The following ENOX1 variants were observed in gnomAD, a reference collection of about 807,000 sequenced individuals.
ENOX1 encodes ecto-NOX disulfide-thiol exchanger 1.
Under a neutral mutation model 82.5 loss-of-function variants are expected in ENOX1, and 42 were observed. The ratio of observed to expected loss-of-function variants is 0.51; its 90% CI spans 0.40 to 0.66. ENOX1 has a LOEUF of 0.66. ENOX1 is among the 30% of genes least tolerant of loss of function. The probability of loss-of-function intolerance (pLI) is 0.00; values close to 1 mark genes in which losing one functional copy is unlikely to be tolerated. For missense variants in ENOX1, 608 were observed against 811.6 expected (o/e 0.75, Z 3.05); for synonymous variants, 271 against 282.2 (o/e 0.96, Z 0.40).
chr13:43,609,637 CA>C (rs1264252779), intron 2 of ENOX1, among the ~76,000 whole-genome samples: 2 of 152,174 alleles, frequency 1.3e-5, no homozygotes. Context: ...TATTTTTCCA[CA>C]TATAATGTCA....
intron 5 of ENOX1, among the ~76,000 whole-genome samples, chr13:43,389,387 T>C (rs1594277882): frequency 6.6e-6 from 1 of 152,236 alleles, no homozygotes; most frequent in East Asian, 1.9e-4. Flanking sequence ...AAAGTTAAAA[T>C]TATTTTAAAT....
intron 2 of ENOX1, among the ~76,000 whole-genome samples, chr13:43,602,378 T>C (rs553911459): frequency 8.5e-5 from 13 of 152,216 alleles, no homozygotes; most frequent in African/African-American, 2.9e-4. Flanking sequence ...AGAAATAATA[T>C]ATGGTAAAAT....
intron 1 of ENOX1, among the ~76,000 whole-genome samples, chr13:43,670,033 C>T (rs900070575): frequency 2.9e-4 from 44 of 152,154 alleles, no homozygotes; most frequent in Non-Finnish European, 5.0e-4. Context: ...TCTGCATATC[C>T]CCCAAACCCT....
chr13:43,644,056 T>C (rs1198323063), intron 2 of ENOX1, among the ~76,000 whole-genome samples: 4 of 152,214 alleles, frequency 2.6e-5, no homozygotes, highest in Non-Finnish European at 4.4e-5. Context: ...CAAACTGCCA[T>C]TGCTCTTTTA....
intron 2 of ENOX1, among the ~76,000 whole-genome samples, chr13:43,655,259 G>A (rs2084377137): frequency 6.6e-6 from 1 of 152,212 alleles, no homozygotes; most frequent in East Asian, 1.9e-4. Context: ...ACTGTTCCAT[G>A]TCCACCATTC....
chr13:43,755,648 GACT>G (rs1457445044), intron 1 of ENOX1, among the ~76,000 whole-genome samples: 2 of 152,134 alleles, frequency 1.3e-5, no homozygotes, highest in Non-Finnish European at 1.5e-5. Context: ...AGTACTCAGA[GACT>G]ACCACTCCTA....
chr13:43,243,014 T>C (rs1164765653), intron 14 of ENOX1, among the ~76,000 whole-genome samples: 1 of 151,924 alleles, frequency 6.6e-6, no homozygotes, highest in Non-Finnish European at 1.5e-5. Context: ...TGCATGTCTG[T>C]AGTCCCAGCT....
chr13:43,306,017 C>A (rs1049310408), intron 11 of ENOX1, among the ~76,000 whole-genome samples: 4 of 152,190 alleles, frequency 2.6e-5, no homozygotes, highest in African/African-American at 9.6e-5. Context: ...AGATATGGAA[C>A]CTGGTAGAAA....
intron 1 of ENOX1, among the ~76,000 whole-genome samples, chr13:43,698,403 C>A (rs1397772598): frequency 6.6e-5 from 10 of 152,266 alleles, no homozygotes; most frequent in African/African-American, 2.4e-4. Flanking sequence ...CCTCCAAAGA[C>A]CCTAACTGTT....
At chr13:43,340,226 A>G (rs965426546) in intron 9 of ENOX1, among the ~76,000 whole-genome samples, 5 of 152,234 alleles carry the variant, frequency 3.3e-5, no homozygotes, top group Admixed American at 2.6e-4. Context: ...GAGAATGGAA[A>G]GTTCTGAGGT....
intron 2 of ENOX1, among the ~76,000 whole-genome samples, chr13:43,612,490 G>A (rs1484641953): frequency 2.6e-5 from 4 of 151,434 alleles, no homozygotes; most frequent in Non-Finnish European, 4.4e-5. Flanking sequence ...GTGCCTACTT[G>A]TCATCAGCTA....
At chr13:43,518,163 T>G (rs1235879005) in intron 2 of ENOX1, among the ~76,000 whole-genome samples, 1 of 152,100 alleles carries the variant, frequency 6.6e-6, no homozygotes, top group Non-Finnish European at 1.5e-5. Flanking sequence ...GAAGAAGAAT[T>G]TATCAACCAT....
In ENOX1 at chr13:43,484,143, T is replaced by C. The variant is rs983655; in HGVS notation, c.-209A>G. ...TGGAAGACAGCATGGTTCTGACATA[T>C]CAGAGGCTTCTGGAAGCAAAGAAAA... On this transcript the variant is annotated 5_prime_UTR_variant, in exon 3 of 17. The change abolishes the stop of an existing upstream ORF in the 5' untranslated region. Coordinates refer to ENST00000690772, the MANE Select transcript of ENOX1 (RefSeq NM_001347969.2). 723,203 of 984,914 alleles carry C rather than the reference T, an allele frequency of 0.73. 266,488 individuals carry two copies. Among genetic ancestry groups the C allele is most frequent in the East Asian group, 0.98 (8,722 of 8,932 alleles). The allele number at this position is 984,914 out of a possible 1,614,324, so 61.0% of individuals were successfully genotyped here.
At chr13:43,757,075 C>A (rs1197680398) in intron 1 of ENOX1, among the ~76,000 whole-genome samples, 1 of 151,658 alleles carries the variant, frequency 6.6e-6, no homozygotes, top group Non-Finnish European at 1.5e-5. Flanking sequence ...AAACTCCCAG[C>A]TGAATATTTT....
At chr13:43,468,671 T>C (rs1052375493) in intron 3 of ENOX1, among the ~76,000 whole-genome samples, 2 of 151,448 alleles carry the variant, frequency 1.3e-5, no homozygotes, top group African/African-American at 2.4e-5. Context: ...AAGATTTTCA[T>C]AGGGATGGCA....
intron 2 of ENOX1, among the ~76,000 whole-genome samples, chr13:43,502,800 G>C (rs2077026748): frequency 6.6e-6 from 1 of 151,330 alleles, no homozygotes; most frequent in Non-Finnish European, 1.5e-5. Flanking sequence ...AACAAGTAAG[G>C]ATATCCACTC....
intron 3 of ENOX1, among the ~76,000 whole-genome samples, chr13:43,462,047 A>G (rs1566282281): frequency 6.6e-6 from 1 of 152,160 alleles, no homozygotes; most frequent in Non-Finnish European, 1.5e-5. Context: ...CCCACTCAAG[A>G]GACCTGATCA....
intron 2 of ENOX1, among the ~76,000 whole-genome samples, chr13:43,538,083 G>A (rs1169111501): frequency 6.6e-6 from 1 of 152,210 alleles, no homozygotes; most frequent in Non-Finnish European, 1.5e-5. Context: ...CCCTCAGCCT[G>A]TACCAGGGTT....
chr13:43,355,813 G>A (rs578131562), intron 8 of ENOX1, 106 bp downstream of exon 8: 25 of 1,121,518 alleles, frequency 2.2e-5, no homozygotes, highest in Middle Eastern at 2.8e-4. Flanking sequence ...TTAAGGCATA[G>A]CAGACATTGT....
Sources: allele counts gnomAD v4.1 joint callset (sites outside exome capture counted in the v4.1 genomes callset), GRCh38; gene constraint gnomAD v4.1.1; transcripts MANE v1.5; gene names NCBI Gene and HGNC (gene_info 2026-07-23, HGNC 2026-07-21).